EEF2KMT: variants seen among roughly 807,000 people sequenced by gnomAD.
EEF2KMT encodes eukaryotic elongation factor 2 lysine methyltransferase, also known as protein-lysine N-methyltransferase EEF2KMT.
Under a neutral mutation model 35.1 loss-of-function variants are expected in EEF2KMT, and 30 were observed. The ratio of observed to expected loss-of-function variants is 0.85; its 90% CI spans 0.64 to 1.16. The LOEUF is 1.16. EEF2KMT is among the 50% of genes most tolerant of loss of function. The pLI is 0.00. For synonymous variants in EEF2KMT, 190 were observed against 187.7 expected (o/e 1.01, Z -0.10); for missense variants, 499 against 438.2 (o/e 1.14, Z -1.24).
chr16:5,097,296 G>T (rs1294189452), intron 1 of EEF2KMT: 1 of 1,345,510 alleles, frequency 7.4e-7, no homozygotes, highest in African/African-American at 1.5e-5. Context: ...TCCTGACGGC[G>T]CTGACTTTTT....
intron 3 of EEF2KMT, 51 bp from the exon 4 acceptor site, chr16:5,091,946 A>C (rs1957348657): frequency 6.2e-7 from 1 of 1,607,978 alleles, no homozygotes; most frequent in Non-Finnish European, 8.5e-7. Flanking sequence ...AATCTGTAAA[A>C]ATGGCCAGAT....
rs1241151337 is a variant in EEF2KMT, at chr16:5,090,812, C to T, written c.343-247G>A. Among the ~76,000 whole-genome samples, 1 of 152,132 alleles carries T rather than the reference C, an allele frequency of 6.6e-6. No individual in the cohort carries two copies. Among genetic ancestry groups the T allele is most frequent in the East Asian group, 1.9e-4 (1 of 5,198 alleles). Reference sequence around the variant, plus strand: ...CGAACCTTCCTGAGACAACGGAATTCTGGCGATGGAACACATGTCAGTGGT... The same window carrying T: ...CGAACCTTCCTGAGACAACGGAATTTTGGCGATGGAACACATGTCAGTGGT... On this transcript the variant is annotated intron_variant, in intron 4 of 7. Coordinates refer to ENST00000427587, the MANE Select transcript of EEF2KMT (RefSeq NM_201400.4). The surrounding 1 kb of genome is among the most constrained non-coding windows in gnomAD (Gnocchi z 4.1).
Position 5,085,152 on chromosome 16 carries a change from C to T in EEF2KMT, c.*480G>A. 1 of 616,828 alleles carries T rather than the reference C, an allele frequency of 1.6e-6. No individual in the cohort carries two copies. Among genetic ancestry groups the T allele is most frequent in the Non-Finnish European group, 2.8e-6 (1 of 356,810 alleles). The allele number at this position is 616,828 out of a possible 1,614,324, so 38.2% of individuals were successfully genotyped here. ...CTAGCGTATTACTGTTCTGTGACTT[C>T]CCTGTGACCTCTGCAGAACTCCTCA... is the stretch of plus-strand genomic sequence containing the variant. On this transcript the variant is annotated 3_prime_UTR_variant, in exon 8 of 8. Transcript: ENST00000427587.
intron 4 of EEF2KMT, among the ~76,000 whole-genome samples, 165 bp downstream of exon 4, chr16:5,091,629 C>G (rs184781686): frequency 6.6e-6 from 1 of 152,214 alleles, no homozygotes; most frequent in African/African-American, 2.4e-5. Flanking sequence ...TGTTGAAGTG[C>G]CTGATTTACA....
Position 5,097,743 on chromosome 16 carries a change from G to A in EEF2KMT, c.-4C>T. On this transcript the variant is annotated 5_prime_UTR_variant, in exon 1 of 8. In the 5' UTR this introduces an upstream ATG that the reference lacks. Transcript: ENST00000427587. Reference sequence around the variant, plus strand: ...CCGCGTTCTCCTCGGGCGCCATGACGTGGGCGGGGCCGCAGCGTTGCCGGC... The same window carrying A: ...CCGCGTTCTCCTCGGGCGCCATGACATGGGCGGGGCCGCAGCGTTGCCGGC... 7 of 1,556,452 alleles carry A rather than the reference G, an allele frequency of 4.5e-6. No homozygotes were observed. Among genetic ancestry groups the A allele is most frequent in the Non-Finnish European group, 6.1e-6 (7 of 1,156,654 alleles).
chr16:5,086,248 T>C lies in EEF2KMT; in HGVS notation c.893-516A>G, dbSNP rs183691393. 7.7e-3 allele frequency among the ~76,000 whole-genome samples: 1,158 copies of C among 151,318 alleles called. 6 individuals are homozygous for C. Among genetic ancestry groups the C allele is most frequent in the Admixed American group, 0.017 (262 of 15,182 alleles). On this transcript the variant is annotated intron_variant, in intron 7 of 7. Coordinates refer to ENST00000427587, the MANE Select transcript of EEF2KMT (RefSeq NM_201400.4). ...TACTTGGGAGGCTGAGGTGGGAGAA[T>C]TGCTTGAACCCAGGAGGTGGAGGTT...
rs1957326544 is a variant in EEF2KMT at position 5,090,785 on chromosome 16, A to G, written c.343-220T>C. On this transcript the variant is annotated intron_variant, in intron 4 of 7. Transcript: ENST00000427587. The surrounding 1 kb of genome is among the most constrained non-coding windows in gnomAD (Gnocchi z 4.1). ...TCTCAGGCCACACAGGATTCCATTCATCGAACCTTCCTGAGACAACGGAAT... is the reference window on the plus strand; with the variant it reads ...TCTCAGGCCACACAGGATTCCATTCGTCGAACCTTCCTGAGACAACGGAAT... Among the ~76,000 whole-genome samples, 1 of 152,138 alleles carries G rather than the reference A, an allele frequency of 6.6e-6. No individual in the cohort carries two copies. Among genetic ancestry groups the G allele is most frequent in the Non-Finnish European group, 1.5e-5 (1 of 68,014 alleles).
rs554730431 is a variant in EEF2KMT at position 5,092,613 on chromosome 16, T to C, written c.241-718A>G. Among the ~76,000 whole-genome samples, 5 of 152,346 alleles carry C rather than the reference T, an allele frequency of 3.3e-5. No individual in the cohort carries two copies. The East Asian group carries it at 5.8e-4, about 18-fold the overall frequency. ...ACTCAGCAGGTCTGCTACTGCCTAC[T>C]GAGGAGGCCTCTCGACATCCTCATG... On this transcript the variant is annotated intron_variant, in intron 3 of 7. Coordinates refer to ENST00000427587, the MANE Select transcript of EEF2KMT (RefSeq NM_201400.4).
At chr16:5,094,171 G>A (rs535384340) in intron 2 of EEF2KMT, among the ~76,000 whole-genome samples, 1 of 152,320 alleles carries the variant, frequency 6.6e-6, no homozygotes, top group Admixed American at 6.5e-5. Flanking sequence ...GGGAGGAGAC[G>A]GTCCACAGTG....
rs1957088035 is a variant in EEF2KMT at position 5,084,723 on chromosome 16, TA to T, written c.*908del. 1 of 1,596,282 alleles carries T rather than the reference TA, an allele frequency of 6.3e-7. No homozygotes were observed. The highest frequency in any genetic ancestry group is 8.5e-7 in the Non-Finnish European group (1 of 1,179,766). On this transcript the variant is annotated 3_prime_UTR_variant, in exon 8 of 8. Transcript: ENST00000427587. ...GATGGGGTGGGGACAGGCAATGAGG[TA>T]AGCTCTGCTCTTTATTTTTTTGCAG...
intron 1 of EEF2KMT, chr16:5,097,250 CGGTCACCGCGCTCAGGA>C (rs1204449081): frequency 7.7e-7 from 1 of 1,293,538 alleles, no homozygotes; most frequent in Non-Finnish European, 1.0e-6. Context: ...GCCTGTGACC[CGGTCACCGCGCTCAGGA>C]GGACGTGGTT....
At position 5,089,067 on chromosome 16, in the gene EEF2KMT, C is replaced by T. The variant is rs369798697; in HGVS notation, c.892+40G>A. Reference sequence around the variant, plus strand: ...TTCCACTGGCGTCCTGCAGGGACAGCTCAGGGACCATGCAGGCCCGGGTGG... The same window carrying T: ...TTCCACTGGCGTCCTGCAGGGACAGTTCAGGGACCATGCAGGCCCGGGTGG... On this transcript the variant is annotated intron_variant, in intron 7 of 7. Coordinates refer to ENST00000427587, the MANE Select transcript of EEF2KMT (RefSeq NM_201400.4). 3 of 1,610,796 alleles carry T rather than the reference C, an allele frequency of 1.9e-6. No individual in the cohort carries two copies. The African/African-American group carries it at 4.0e-5, about 22-fold the overall frequency.
intron 2 of EEF2KMT, among the ~76,000 whole-genome samples, chr16:5,094,724 C>G (rs2142781392): frequency 8.5e-6 from 1 of 116,968 alleles, no homozygotes; most frequent in African/African-American, 3.3e-5. Context: ...GTGGCTGTAT[C>G]TTTTCCACAT....
chr16:5,097,595 CT>C (rs1338657825), intron 1 of EEF2KMT, 48 bp downstream of exon 1: 1 of 1,529,540 alleles, frequency 6.5e-7, no homozygotes, highest in East Asian at 2.5e-5. Flanking sequence ...CCGTCTGCCC[CT>C]GGACTCCCGC....
rs148970540 is a variant in EEF2KMT, at chr16:5,092,254, C to T, written c.241-359G>A. ...AGTCTAGGGCAGGAGACAAGGATTC[C>T]GTGAGAGTTGCCAGGTGACCATGAT... is the stretch of plus-strand genomic sequence containing the variant. On this transcript the variant is annotated intron_variant, in intron 3 of 7. Transcript: ENST00000427587. Among the ~76,000 whole-genome samples, 1,411 of 152,154 alleles carry T rather than the reference C, an allele frequency of 9.3e-3. 22 individuals are homozygous for T. The highest frequency in any genetic ancestry group is 0.032 in the African/African-American group (1,315 of 41,510).
intron 6 of EEF2KMT, 192 bp from the exon 7 acceptor site, chr16:5,089,448 A>T: frequency 1.3e-6 from 1 of 795,994 alleles, no homozygotes. Context: ...AGAAAGCTGC[A>T]AAAGACCGAA....
In EEF2KMT at chr16:5,090,349, C is replaced by T; in HGVS notation, c.477G>A (p.Arg159=). The T allele has an allele frequency of 1.2e-6, 2 of 1,612,056 alleles. No individual in the cohort carries two copies. The highest frequency in any genetic ancestry group is 1.7e-5 in the Admixed American group (1 of 60,026). ...AIENPAVFTN[R]TVLELGSGAG... Reference sequence around the variant, plus strand: ...CACCACTGCCAAGCTCTAGGACAGTCCTGGCGGGAGGAAAGGGGACCGTGT... The same window carrying T: ...CACCACTGCCAAGCTCTAGGACAGTTCTGGCGGGAGGAAAGGGGACCGTGT... Residue 159 remains arginine (R), a splice_region_variant and synonymous_variant, in exon 6 of 8, where the codon AGG becomes AGA. Coordinates refer to ENST00000427587, the MANE Select transcript of EEF2KMT (RefSeq NM_201400.4). This position sits in a 1 kb window ranked among gnomAD's most constrained non-coding sequence, Gnocchi z 4.1.
rs1596265208 is a variant in EEF2KMT, at chr16:5,084,938, C to T, written c.*694G>A. 3 of 1,596,312 alleles carry T rather than the reference C, an allele frequency of 1.9e-6. No individual in the cohort carries two copies. The highest frequency in any genetic ancestry group is 3.3e-5 in the Admixed American group (2 of 60,002). On this transcript the variant is annotated 3_prime_UTR_variant, in exon 8 of 8. Coordinates refer to ENST00000427587, the MANE Select transcript of EEF2KMT (RefSeq NM_201400.4). The stretch of plus-strand genomic sequence containing the variant: ...CCTGCTGTCCTTCCCGCAGCTTCTT[C>T]TTGGAGTCTCAGGGCAAACCCTTTC...
Position 5,084,616 on chromosome 16 carries a change from T to C in EEF2KMT, c.*1016A>G. 8 of 1,404,774 alleles carry C rather than the reference T, an allele frequency of 5.7e-6. No individual in the cohort carries two copies. Among genetic ancestry groups the C allele is most frequent in the Non-Finnish European group, 7.8e-6 (8 of 1,023,058 alleles). 87.0% of individuals were successfully genotyped at this position (1,404,774 alleles called of 1,614,324 possible). ...GAGTGCTGCTGGGGTGTGAAGGGTC[T>C]CGAGTCCAAGTGAGGGAGTTAGGGA... is the stretch of plus-strand genomic sequence containing the variant. On this transcript the variant is annotated 3_prime_UTR_variant, in exon 8 of 8. Transcript: ENST00000427587.
Sources: gnomAD v4.1 joint callset for allele counts (sites outside exome capture counted in the v4.1 genomes callset) on GRCh38, gnomAD v4.1.1 for gene constraint, Gnocchi (gnomAD v3.1) non-coding constraint, MANE v1.5 for transcripts, NCBI Gene and HGNC (gene_info 2026-07-23, HGNC 2026-07-21) for gene names.